The following RREB1 variants were observed in gnomAD, a reference collection of about 807,000 sequenced individuals.
The protein encoded by RREB1 is ras responsive element binding protein 1, also known as ras-responsive element-binding protein 1.
Under a neutral mutation model 117.8 loss-of-function variants are expected in RREB1, and 27 were observed. That is an observed-to-expected ratio of 0.23 (90% CI 0.17 to 0.32). The LOEUF (loss-of-function observed/expected upper bound fraction) is 0.32. RREB1 is among the 10% of genes least tolerant of loss of function. The pLI is 1.00. For synonymous variants in RREB1, 1,298 were observed against 1,026.7 expected, an observed-to-expected ratio of 1.26 and a Z score of -5.05; for missense variants, 2,577 against 2,378.2, an observed-to-expected ratio of 1.08 and a Z score of -1.74.
Position 7,210,935 on chromosome 6 carries a change from C to T in RREB1, c.557C>T (p.Ala186Val). 1 of 1,613,670 alleles carries T rather than the reference C, an allele frequency of 6.2e-7. No individual in the cohort carries two copies. Among genetic ancestry groups the T allele is most frequent in the Non-Finnish European group, 8.5e-7 (1 of 1,179,842 alleles). Residue 186 changes from alanine to valine, a missense_variant, in exon 7 of 13, where the codon GCA becomes GTA. By Grantham distance (64) the Ala-to-Val change is moderately conservative. Coordinates refer to ENST00000379938, the MANE Select transcript of RREB1 (RefSeq NM_001003699.4). Reference protein sequence around the residue: ...HDAESEREDPAPAKKMVEDGQ... With the variant: ...HDAESEREDPVPAKKMVEDGQ... ...GCCGAGTCAGAGAGAGAAGACCCAG[C>T]ACCAGCTAAAAAGGTCCTCTTGGCT...
At chr6:7,236,782 A>G (rs1173004928) in intron 10 of RREB1, among the ~76,000 whole-genome samples, 7 of 151,312 alleles carry the variant, frequency 4.6e-5, no homozygotes, top group African/African-American at 1.5e-4. Context: ...CTCCTCATCA[A>G]ACTATTCTCA....
chr6:7,182,160 T>A, intron 4 of RREB1, 78 bp downstream of exon 4: 1 of 1,309,560 alleles, frequency 7.6e-7, no homozygotes, highest in Non-Finnish European at 1.1e-6. Context: ...GAGTTTCCTA[T>A]GATAAAACCT....
At chr6:7,196,218 G>GTTTTTTTTT (rs58448175) in intron 6 of RREB1, among the ~76,000 whole-genome samples, 1 of 121,470 alleles carries the variant, frequency 8.2e-6, no homozygotes, top group Non-Finnish European at 1.7e-5. Flanking sequence ...TTTTTTTTTC[G>GTTTTTTTTT]TTTTTTTTTT....
chr6:7,108,941 C>T (rs1257843074), intron 1 of RREB1, among the ~76,000 whole-genome samples: 1 of 151,088 alleles, frequency 6.6e-6, no homozygotes, highest in African/African-American at 2.4e-5. Context: ...GCCGTGCGGG[C>T]ACGTATTGTT....
intron 1 of RREB1, among the ~76,000 whole-genome samples, chr6:7,153,253 A>C (rs1763205302): frequency 1.3e-5 from 2 of 151,932 alleles, no homozygotes; most frequent in Non-Finnish European, 2.9e-5. Context: ...TTTTAAAAAA[A>C]GTAGCTTTGT....
At chr6:7,158,776 G>T (rs1763508845) in intron 1 of RREB1, among the ~76,000 whole-genome samples, 1 of 152,118 alleles carries the variant, frequency 6.6e-6, no homozygotes, top group African/African-American at 2.4e-5. Context: ...TTATCATCAA[G>T]AAATATTTGA....
chr6:7,157,865 C>T (rs1267014381), intron 1 of RREB1, among the ~76,000 whole-genome samples: 2 of 152,180 alleles, frequency 1.3e-5, no homozygotes, highest in African/African-American at 4.8e-5. Context: ...GGCTCTACCA[C>T]TCGCTGCTAA....
At position 7,211,594 on chromosome 6, in the gene RREB1, G is replaced by A. The variant is rs1195005300; in HGVS notation, c.592G>A (p.Gly198Ser). Residue 198 changes from glycine to serine, a missense_variant, in exon 8 of 13, where the codon GGT becomes AGT. By Grantham distance (56) the Gly-to-Ser change is moderately conservative. Transcript: ENST00000379938. ...AKKMVEDGQS[G>S]DLEKKADEVF... is the part of the protein sequence containing the mutation. ...TCAGATGGTAGAAGACGGGCAGTCA[G>A]GTGACTTGGAGAAGAAAGCTGATGA... is the stretch of plus-strand genomic sequence containing the variant. 3 of 1,613,982 alleles carry A rather than the reference G, an allele frequency of 1.9e-6. No individual in the cohort carries two copies. The South Asian group carries it at 3.3e-5, about 18-fold the overall frequency.
chr6:7,178,770 T>G (rs1489254662), intron 2 of RREB1, among the ~76,000 whole-genome samples: 1 of 152,236 alleles, frequency 6.6e-6, no homozygotes, highest in Non-Finnish European at 1.5e-5. Flanking sequence ...GTTATTTACT[T>G]AAAATAGGAA....
intron 1 of RREB1, among the ~76,000 whole-genome samples, chr6:7,122,557 C>T (rs535806658): frequency 2.0e-5 from 3 of 152,314 alleles, no homozygotes; most frequent in African/African-American, 7.2e-5. Context: ...TGAGCCACCG[C>T]GCCTGGCCCA....
chr6:7,242,379 C>T (rs1048505179), intron 11 of RREB1, among the ~76,000 whole-genome samples: 9 of 152,144 alleles, frequency 5.9e-5, no homozygotes, highest in African/African-American at 2.2e-4. Context: ...CCTTTCCCAC[C>T]TCCACCCCAC....
intron 10 of RREB1, among the ~76,000 whole-genome samples, chr6:7,232,763 CTTTTTT>C (rs59522749): frequency 3.7e-5 from 5 of 136,970 alleles, no homozygotes; most frequent in Admixed American, 7.3e-5. Flanking sequence ...TTTTCTTTTT[CTTTTTT>C]TTTTTTTTTT....
Position 7,250,264 on chromosome 6 carries a change from T to A in RREB1, c.*1296T>A, listed in dbSNP as rs1278225779. On this transcript the variant is annotated 3_prime_UTR_variant, in exon 13 of 13. Coordinates refer to ENST00000379938, the MANE Select transcript of RREB1 (RefSeq NM_001003699.4). ...TACTGTCATTTGCAAAGCAAGGAAA[T>A]ACTACTACTGGTAATAAAACTACAC... The A allele has an allele frequency of 1.3e-5, 2 of 152,156 alleles. No homozygotes were observed. The highest frequency in any genetic ancestry group is 4.8e-5 in the African/African-American group (2 of 41,434). 9.4% of individuals were successfully genotyped at this position (152,156 alleles called of 1,614,324 possible).
At chr6:7,109,224 C>T (rs1761010723) in intron 1 of RREB1, among the ~76,000 whole-genome samples, 1 of 151,870 alleles carries the variant, frequency 6.6e-6, no homozygotes, top group Non-Finnish European at 1.5e-5. Context: ...CGGCGTCTAG[C>T]TGGGTGGGGG....
At position 7,248,820 on chromosome 6, in the gene RREB1, G is replaced by A; in HGVS notation, c.5081G>A (p.Gly1694Glu). The change falls in exon 13 of 13, where the codon GGG (glycine) becomes GAG (glutamate). Residue 1694 changes from glycine to glutamate, a missense_variant. Transcript: ENST00000379938. Reference protein sequence around the residue: ...CSHREEKVTAGWPSEPGQGDL... With the variant: ...CSHREEKVTAEWPSEPGQGDL... ...CACAGGGAGGAGAAGGTCACGGCAGGGTGGCCGTCTGAGCCTGGCCAGGGT... is the reference window on the plus strand; with the variant it reads ...CACAGGGAGGAGAAGGTCACGGCAGAGTGGCCGTCTGAGCCTGGCCAGGGT... 6.2e-7 allele frequency: 1 copy of A among 1,613,410 alleles called. No individual in the cohort carries two copies. Among genetic ancestry groups the A allele is most frequent in the Non-Finnish European group, 8.5e-7 (1 of 1,179,764 alleles).
chr6:7,157,510 C>T (rs759768122), intron 1 of RREB1, among the ~76,000 whole-genome samples: 1 of 151,848 alleles, frequency 6.6e-6, no homozygotes, highest in Non-Finnish European at 1.5e-5. Flanking sequence ...GTGGTTCATG[C>T]CTGTAATCCC....
chr6:7,240,134 T>C (rs1768604312), intron 10 of RREB1, among the ~76,000 whole-genome samples: 1 of 152,252 alleles, frequency 6.6e-6, no homozygotes, highest in South Asian at 2.1e-4. Flanking sequence ...CATTCGCTTT[T>C]TTTTGTTGTC....
intron 1 of RREB1, among the ~76,000 whole-genome samples, chr6:7,109,392 T>A (rs758054184): frequency 7.9e-5 from 12 of 151,400 alleles, no homozygotes; most frequent in Non-Finnish European, 1.5e-4. Context: ...ACCCCCTCCC[T>A]GGGAAGCGGC....
At position 7,229,587 on chromosome 6, in the gene RREB1, A is replaced by T; in HGVS notation, c.1488A>T (p.Pro496=). 1 of 1,610,766 alleles carries T rather than the reference A, an allele frequency of 6.2e-7. No homozygotes were observed. The highest frequency in any genetic ancestry group is 8.5e-7 in the Non-Finnish European group (1 of 1,177,992). The stretch of plus-strand genomic sequence containing the variant: ...CCTTCTCCAAGGCCCCTGCCGCCCC[A>T]CTGCAGGCGATCTTCAAGCACATGC... ...LPPFSKAPAA[P]LQAIFKHMPP... The change falls in exon 10 of 13, where the codon CCA becomes CCT. Residue 496 remains proline, a synonymous_variant. Coordinates refer to ENST00000379938, the MANE Select transcript of RREB1 (RefSeq NM_001003699.4). This position sits in a 1 kb window ranked among gnomAD's most constrained non-coding sequence, Gnocchi z 4.5.
Sources: gnomAD v4.1 joint callset for allele counts (sites outside exome capture counted in the v4.1 genomes callset) on GRCh38, gnomAD v4.1.1 for gene constraint, Gnocchi (gnomAD v3.1) non-coding constraint, MANE v1.5 for transcripts, NCBI Gene and HGNC (gene_info 2026-07-23, HGNC 2026-07-21) for gene names.